PDE10A: variants seen among roughly 807,000 people sequenced by gnomAD.
The protein encoded by PDE10A is cAMP and cAMP-inhibited cGMP 3',5'-cyclic phosphodiesterase 10A.
In PDE10A, 39 loss-of-function variants were observed where a neutral mutation model predicts 97.7. The observed-to-expected ratio is 0.40, with a 90% CI of 0.31 to 0.52. The LOEUF (loss-of-function observed/expected upper bound fraction) is 0.52. Ranked by LOEUF, PDE10A falls within the 20% of genes least tolerant of loss-of-function variation. The pLI is 0.56. For missense variants in PDE10A, 731 were observed against 1,047.8 expected, an observed-to-expected ratio of 0.70 and a Z score of 4.17; for synonymous variants, 371 against 376.8, an observed-to-expected ratio of 0.98 and a Z score of 0.18.
chr6:165,851,714 T>C (rs968364824), intron 1 of PDE10A, among the ~76,000 whole-genome samples: 3 of 152,094 alleles, frequency 2.0e-5, no homozygotes, highest in Non-Finnish European at 2.9e-5. Flanking sequence ...GGGTAGTCCA[T>C]ATTGAAAAAG....
Position 165,977,324 on chromosome 6 carries a change from C to T in PDE10A, c.-615+10205G>A, listed in dbSNP as rs148033840. 4.6e-5 allele frequency among the ~76,000 whole-genome samples: 7 copies of T among 152,288 alleles called. No homozygotes were observed. In the East Asian group the frequency reaches 1.4e-3, roughly 29 times the overall value. On this transcript the variant is annotated intron_variant, in intron 1 of 19. Coordinates refer to the PDE10A transcript ENST00000366882. ...GGCAGAGATTTCTCAATCTGGTAAG[C>T]TTTTCTCAAACAGAAGTAAAGAAAC...
At chr6:165,359,647 C>T (rs1296364490) in intron 18 of PDE10A, among the ~76,000 whole-genome samples, 2 of 152,082 alleles carry the variant, frequency 1.3e-5, no homozygotes, top group Admixed American at 1.3e-4. Context: ...CTGCTAATTC[C>T]ACAATCTAAG....
At chr6:165,943,195 GA>G (rs1408209584) in intron 1 of PDE10A, among the ~76,000 whole-genome samples, 2 of 49,112 alleles carry the variant, frequency 4.1e-5, no homozygotes, top group African/African-American at 2.4e-4. Context: ...AAGAAAGAAA[GA>G]AAGAAAGAAA....
At chr6:165,607,198 T>C (rs1333339879) in intron 1 of PDE10A, among the ~76,000 whole-genome samples, 1 of 152,210 alleles carries the variant, frequency 6.6e-6, no homozygotes, top group Non-Finnish European at 1.5e-5. Context: ...ACAATGAGCA[T>C]GTACTACACA....
intron 1 of PDE10A, among the ~76,000 whole-genome samples, chr6:165,913,668 T>TG (rs200062300): frequency 5.9e-5 from 9 of 152,210 alleles, no homozygotes; most frequent in Admixed American, 3.9e-4. Flanking sequence ...GAAACACACA[T>TG]GGGGGGACAT....
chr6:165,617,631 A>C (rs964167551), intron 1 of PDE10A, among the ~76,000 whole-genome samples: 7 of 152,162 alleles, frequency 4.6e-5, no homozygotes, highest in African/African-American at 1.7e-4. Context: ...CACTGATCCC[A>C]GTCTGCCCAC....
chr6:165,950,353 G>A (rs1180244879), intron 1 of PDE10A, among the ~76,000 whole-genome samples: 1 of 152,168 alleles, frequency 6.6e-6, no homozygotes, highest in East Asian at 1.9e-4. Flanking sequence ...ACATGGTCTA[G>A]AGCAGCATTT....
chr6:165,688,610 T>C (rs1156839206), intron 1 of PDE10A, among the ~76,000 whole-genome samples: 2 of 152,138 alleles, frequency 1.3e-5, no homozygotes, highest in African/African-American at 4.8e-5. Flanking sequence ...TGGACACGCA[T>C]TGGATACGTA....
intron 2 of PDE10A, 73 bp from the exon 3 acceptor site, chr6:165,482,416 T>C: frequency 1.8e-6 from 2 of 1,128,402 alleles, no homozygotes; most frequent in Non-Finnish European, 2.7e-6. Context: ...AACATGTCAT[T>C]TGCTTTCAAT....
intron 18 of PDE10A, among the ~76,000 whole-genome samples, chr6:165,367,459 A>T (rs1304299165): frequency 6.6e-6 from 1 of 152,158 alleles, no homozygotes; most frequent in Non-Finnish European, 1.5e-5. Context: ...AGAGTCTCAG[A>T]AGAAAAGAGA....
intron 1 of PDE10A, among the ~76,000 whole-genome samples, chr6:165,793,225 A>G (rs531074361): frequency 7.2e-5 from 11 of 152,232 alleles, no homozygotes; most frequent in South Asian, 2.1e-4. Flanking sequence ...AACTACCACA[A>G]GCCTTCTCTC....
chr6:165,712,284 A>G (rs1791913901), intron 1 of PDE10A, among the ~76,000 whole-genome samples: 2 of 152,194 alleles, frequency 1.3e-5, no homozygotes, highest in African/African-American at 2.4e-5. Flanking sequence ...ATGAAAAGTG[A>G]TTAGCCGAAT....
At chr6:165,520,459 A>G (rs1461320111) in intron 2 of PDE10A, among the ~76,000 whole-genome samples, 1 of 152,154 alleles carries the variant, frequency 6.6e-6, no homozygotes, top group Non-Finnish European at 1.5e-5. Flanking sequence ...GACAGTTTGA[A>G]CAAATTCCAA....
At chr6:165,394,478 T>C (rs1365557375) in intron 15 of PDE10A, among the ~76,000 whole-genome samples, 1 of 152,142 alleles carries the variant, frequency 6.6e-6, no homozygotes, top group Admixed American at 6.5e-5. Flanking sequence ...TGATGGGCAT[T>C]TGGGTTGGTT....
chr6:165,821,898 C>T (rs1430641179), intron 1 of PDE10A, among the ~76,000 whole-genome samples: 2 of 107,408 alleles, frequency 1.9e-5, no homozygotes, highest in Admixed American at 1.1e-4. Context: ...AGTGAGGTGC[C>T]GGGTTTTTTT....
rs1430337847 is a variant in PDE10A, at chr6:165,662,731, G to A, written c.81C>T (p.Pro27=). 1.4e-5 allele frequency among the ~76,000 whole-genome samples: 2 copies of A among 148,040 alleles called. No homozygotes were observed. The highest frequency in any genetic ancestry group is 2.4e-5 in the African/African-American group (1 of 40,832). Residue 27 remains proline, a synonymous_variant, in exon 1 of 22, where the codon CCC becomes CCT. Coordinates refer to ENST00000539869, the MANE Select transcript of PDE10A (RefSeq NM_001385079.1). ...PAAGDEPGCG[P]GKLRPEPRLS... is the part of the protein sequence containing the mutation. ...GCCGGGGTTCCGGGCGGAGTTTGCC[G>A]GGGCCGCAGCCCGGCTCGTCCCCGG...
chr6:165,435,648 C>A (rs1789961997), intron 5 of PDE10A, among the ~76,000 whole-genome samples: 1 of 152,108 alleles, frequency 6.6e-6, no homozygotes, highest in African/African-American at 2.4e-5. Flanking sequence ...TATTTTGATA[C>A]ACAGAAAATA....
chr6:165,483,969 T>C (rs1779751844), intron 2 of PDE10A, among the ~76,000 whole-genome samples: 1 of 152,250 alleles, frequency 6.6e-6, no homozygotes, highest in Non-Finnish European at 1.5e-5. Context: ...TTTAAAGTAT[T>C]TGAAAGAAAA....
intron 17 of PDE10A, among the ~76,000 whole-genome samples, chr6:165,387,177 AGCTACCTACTGGGGATG>A (rs1216074944): frequency 5.3e-5 from 8 of 152,226 alleles, no homozygotes; most frequent in Non-Finnish European, 8.8e-5. Context: ...GCTCAACATC[AGCTACCTACTGGGGATG>A]GCTTGAAAAT....
Sources: gnomAD v4.1 joint callset for allele counts (sites outside exome capture counted in the v4.1 genomes callset) on GRCh38, gnomAD v4.1.1 for gene constraint, MANE v1.5 for transcripts, NCBI Gene and HGNC (gene_info 2026-07-23, HGNC 2026-07-21) for gene names.